ATP2B2: variants seen among roughly 807,000 people sequenced by gnomAD.
ATP2B2 encodes the protein ATPase plasma membrane Ca2+ transporting 2.
ATP2B2 carries 15 observed loss-of-function variants against 120.0 expected under a neutral mutation model. That is an observed-to-expected ratio of 0.12 (90% CI 0.08 to 0.19). The LOEUF (loss-of-function observed/expected upper bound fraction) is 0.19. ATP2B2 is among the 10% of genes least tolerant of loss of function. The probability of loss-of-function intolerance (pLI) is 1.00; values close to 1 mark genes in which losing one functional copy is unlikely to be tolerated. For missense variants in ATP2B2, 1,045 were observed against 1,719.8 expected, an observed-to-expected ratio of 0.61 and a Z score of 6.94; for synonymous variants, 694 against 700.3, an observed-to-expected ratio of 0.99 and a Z score of 0.14.
chr3:10,359,114 C>T (rs907920509), intron 13 of ATP2B2, among the ~76,000 whole-genome samples, 189 bp from the exon 14 acceptor site: 2 of 152,184 alleles, frequency 1.3e-5, no homozygotes, highest in South Asian at 2.1e-4. Flanking sequence ...ACTCAGCAAG[C>T]GGAGCCCCAC....
chr3:10,625,063 G>A (rs544283729), intron 1 of ATP2B2, among the ~76,000 whole-genome samples: 5 of 152,124 alleles, frequency 3.3e-5, no homozygotes, highest in African/African-American at 7.2e-5. Context: ...ACAATTTTTC[G>A]AGTAAATAAT....
At chr3:10,568,490 A>T (rs1370646563) in intron 2 of ATP2B2, among the ~76,000 whole-genome samples, 1 of 152,246 alleles carries the variant, frequency 6.6e-6, no homozygotes, top group Non-Finnish European at 1.5e-5. Context: ...AGATTCTCTA[A>T]GCTTGAAACA....
intron 2 of ATP2B2, among the ~76,000 whole-genome samples, chr3:10,565,589 A>T (rs1239974503): frequency 2.0e-5 from 3 of 152,052 alleles, no homozygotes; most frequent in African/African-American, 4.8e-5. Context: ...CTAAACTCAG[A>T]ACTGATGGTG....
chr3:10,577,075 A>T (rs937314374), intron 2 of ATP2B2, among the ~76,000 whole-genome samples: 2 of 141,598 alleles, frequency 1.4e-5, no homozygotes, highest in Non-Finnish European at 3.1e-5. Flanking sequence ...AAAAAAAAAG[A>T]AGCTGCCTGG....
Position 10,500,391 on chromosome 3 carries a change from C to T in ATP2B2, c.-320+5074G>A, listed in dbSNP as rs144363495. Among the ~76,000 whole-genome samples, 778 of 152,058 alleles carry T rather than the reference C, an allele frequency of 5.1e-3. 4 individuals carry two copies. The highest frequency in any genetic ancestry group is 0.017 in the African/African-American group (704 of 41,476). ...TGCAGTGGGTTGAACGGTGTCCTATCCAAAGTTCATGCCCACCTGGAACCT... is the reference window on the plus strand; with the variant it reads ...TGCAGTGGGTTGAACGGTGTCCTATTCAAAGTTCATGCCCACCTGGAACCT... On this transcript the variant is annotated intron_variant, in intron 1 of 22. Transcript: ENST00000360273.
At chr3:10,548,342 C>T (rs1029523261) in intron 2 of ATP2B2, among the ~76,000 whole-genome samples, 1 of 152,218 alleles carries the variant, frequency 6.6e-6, no homozygotes, top group Non-Finnish European at 1.5e-5. Flanking sequence ...CACCATGGGG[C>T]AAGCTGGTTT....
chr3:10,501,807 G>A (rs1323452850), intron 1 of ATP2B2, among the ~76,000 whole-genome samples: 3 of 152,272 alleles, frequency 2.0e-5, no homozygotes, highest in South Asian at 2.1e-4. Context: ...ACAGCATGGT[G>A]TCTAGGCCAC....
intron 3 of ATP2B2, among the ~76,000 whole-genome samples, chr3:10,410,049 T>C (rs2062554568): frequency 6.6e-6 from 1 of 152,200 alleles, no homozygotes; most frequent in South Asian, 2.1e-4. Flanking sequence ...ACAACGATGT[T>C]TTCAAAAGGC....
intron 2 of ATP2B2, among the ~76,000 whole-genome samples, chr3:10,598,025 A>G (rs940725393): frequency 2.0e-5 from 3 of 152,216 alleles, no homozygotes; most frequent in African/African-American, 7.2e-5. Context: ...AACATGGACA[A>G]CACAGTTTCT....
chr3:10,509,994 G>A (rs2066727638), upstream of ATP2B2, among the ~76,000 whole-genome samples: 1 of 152,218 alleles, frequency 6.6e-6, no homozygotes, highest in Admixed American at 6.5e-5. Context: ...ATTAGTGGAA[G>A]AAACAGAAGG....
At chr3:10,505,852 C>T (rs1236728070), upstream of ATP2B2, among the ~76,000 whole-genome samples, 1 of 151,668 alleles carries the variant, frequency 6.6e-6, no homozygotes, top group Non-Finnish European at 1.5e-5. Context: ...TTAATTCCTC[C>T]CGTGGGATCA....
At chr3:10,400,411 G>C (rs867762340) in intron 5 of ATP2B2, among the ~76,000 whole-genome samples, 2 of 152,212 alleles carry the variant, frequency 1.3e-5, no homozygotes, top group African/African-American at 4.8e-5. Flanking sequence ...CACAAGGCCA[G>C]CTCCTCCTCA....
chr3:10,707,798 C>A (rs2071920687), intron 1 of ATP2B2: 1 of 152,122 alleles, frequency 6.6e-6, no homozygotes, highest in African/African-American at 2.4e-5. Context: ...CCGCCCTGGC[C>A]CGGCGGGGGT....
intron 2 of ATP2B2, among the ~76,000 whole-genome samples, chr3:10,534,796 A>G (rs1193977884): frequency 6.6e-6 from 1 of 152,158 alleles, no homozygotes; most frequent in Non-Finnish European, 1.5e-5. Flanking sequence ...TGGGTCTTAG[A>G]AACGCCCGAC....
chr3:10,625,313 C>T (rs1173809318), intron 1 of ATP2B2, among the ~76,000 whole-genome samples: 1 of 152,120 alleles, frequency 6.6e-6, no homozygotes, highest in African/African-American at 2.4e-5. Context: ...GGACCCTATG[C>T]TGTCATGGGC....
chr3:10,490,765 A>G (rs990996418), intron 1 of ATP2B2, among the ~76,000 whole-genome samples: 3 of 152,206 alleles, frequency 2.0e-5, no homozygotes, highest in African/African-American at 4.8e-5. Context: ...CAGTAGGTGC[A>G]TGTAGCTGAC....
intron 12 of ATP2B2, among the ~76,000 whole-genome samples, chr3:10,364,360 T>A (rs969041504): frequency 5.3e-5 from 8 of 152,346 alleles, no homozygotes; most frequent in African/African-American, 1.9e-4. Context: ...GTCAAGTTTG[T>A]AAATTTTATG....
chr3:10,514,378 T>C (rs1258913693), intron 3 of ATP2B2, among the ~76,000 whole-genome samples: 1 of 152,148 alleles, frequency 6.6e-6, no homozygotes, highest in African/African-American at 2.4e-5. Flanking sequence ...TGATGGAGTC[T>C]TGATGGGTTC....
At chr3:10,573,576 T>A (rs1038432627) in intron 2 of ATP2B2, among the ~76,000 whole-genome samples, 4 of 152,192 alleles carry the variant, frequency 2.6e-5, no homozygotes, top group Non-Finnish European at 5.9e-5. Context: ...TGTGTCCCCA[T>A]CCAGGTTTTG....
Sources: gnomAD v4.1 joint callset for allele counts (sites outside exome capture counted in the v4.1 genomes callset) on GRCh38, gnomAD v4.1.1 for gene constraint, MANE v1.5 for transcripts, NCBI Gene and HGNC (gene_info 2026-07-23, HGNC 2026-07-21) for gene names.